Variants in STX8 observed in about 807,000 individuals in gnomAD.
STX8 encodes syntaxin-8.
Under a neutral mutation model 37.5 loss-of-function variants are expected in STX8, and 23 were observed. The ratio of observed to expected loss-of-function variants is 0.61; its 90% CI spans 0.44 to 0.87. The LOEUF is 0.87. Ranked by LOEUF, STX8 falls within the 40% of genes least tolerant of loss-of-function variation. The pLI, the probability that STX8 is intolerant of heterozygous loss-of-function variation, is 0.00. For synonymous variants in STX8, 115 were observed against 99.1 expected (o/e 1.16, Z -0.95); for missense variants, 313 against 284.7 (o/e 1.10, Z -0.71).
intron 6 of STX8, among the ~76,000 whole-genome samples, chr17:9,419,979 G>T (rs752745543): frequency 2.0e-5 from 3 of 152,136 alleles, no homozygotes; most frequent in African/African-American, 7.2e-5. Context: ...GTGGTTTATT[G>T]TGCAGTGGCG....
chr17:9,422,805 G>C (rs1913489482), intron 6 of STX8, among the ~76,000 whole-genome samples: 1 of 152,208 alleles, frequency 6.6e-6, no homozygotes, highest in Non-Finnish European at 1.5e-5. Context: ...CTGACCCCTA[G>C]TTTATACCAT....
chr17:9,500,673 A>G (rs1904577178), intron 5 of STX8, among the ~76,000 whole-genome samples: 1 of 152,186 alleles, frequency 6.6e-6, no homozygotes, highest in African/African-American at 2.4e-5. Flanking sequence ...ACAAGCAACA[A>G]TTAGAAATTG....
intron 7 of STX8, among the ~76,000 whole-genome samples, chr17:9,338,941 G>C (rs1473292886): frequency 6.6e-6 from 1 of 151,850 alleles, no homozygotes; most frequent in African/African-American, 2.4e-5. Context: ...TGTGGTGGCG[G>C]GTGCCTGTAA....
In STX8 at chr17:9,316,635, G is replaced by A. The variant is rs142706431; in HGVS notation, c.643+61917C>T. Among the ~76,000 whole-genome samples, 411 of 152,248 alleles carry A rather than the reference G, an allele frequency of 2.7e-3. 4 individuals are homozygous for A. The highest frequency in any genetic ancestry group is 9.2e-3 in the African/African-American group (382 of 41,552). On this transcript the variant is annotated intron_variant, in intron 7 of 7. Coordinates refer to ENST00000306357, the MANE Select transcript of STX8 (RefSeq NM_004853.3). ...CTTACCCTGTGCATCTCTTATATCT[G>A]CCTGTTCATTGTATCCTTTTACAAT... is the stretch of plus-strand genomic sequence containing the variant.
chr17:9,390,422 T>C (rs1313807634), intron 6 of STX8, among the ~76,000 whole-genome samples: 1 of 151,802 alleles, frequency 6.6e-6, no homozygotes, highest in African/African-American at 2.4e-5. Flanking sequence ...CTCAGGAGGC[T>C]GAGACAGAAG....
intron 5 of STX8, among the ~76,000 whole-genome samples, chr17:9,495,272 C>T (rs1904341763): frequency 6.6e-6 from 1 of 152,134 alleles, no homozygotes; most frequent in Admixed American, 6.6e-5. Flanking sequence ...ATGAGGTCCT[C>T]TTGGTCTTTA....
chr17:9,437,377 T>A (rs1904473693), intron 6 of STX8, among the ~76,000 whole-genome samples: 1 of 152,286 alleles, frequency 6.6e-6, no homozygotes, highest in South Asian at 2.1e-4. Flanking sequence ...AAGATCCACC[T>A]ACAAATATAC....
chr17:9,342,502 G>A (rs933556257), intron 7 of STX8, among the ~76,000 whole-genome samples: 1 of 152,174 alleles, frequency 6.6e-6, no homozygotes, highest in African/African-American at 2.4e-5. Flanking sequence ...AGGCACTGGA[G>A]GAGGAGAAAG....
chr17:9,530,898 A>G (rs1178904476), intron 4 of STX8, among the ~76,000 whole-genome samples: 1 of 152,212 alleles, frequency 6.6e-6, no homozygotes, highest in Non-Finnish European at 1.5e-5. Context: ...CTATCCCAAG[A>G]TCATAAAAAT....
intron 7 of STX8, among the ~76,000 whole-genome samples, chr17:9,308,556 C>G (rs1009553718): frequency 6.6e-6 from 1 of 151,922 alleles, no homozygotes; most frequent in Admixed American, 6.6e-5. Flanking sequence ...AACCCTGTCT[C>G]TACTAAAAAT....
intron 7 of STX8, among the ~76,000 whole-genome samples, chr17:9,348,102 T>C (rs1241083987): frequency 6.6e-6 from 1 of 152,092 alleles, no homozygotes; most frequent in Non-Finnish European, 1.5e-5. Context: ...GTGTGACAGG[T>C]GGTATTTCTT....
intron 4 of STX8, among the ~76,000 whole-genome samples, chr17:9,535,423 A>ATTTTT: frequency 2.4e-5 from 1 of 41,118 alleles, no homozygotes; most frequent in Non-Finnish European, 4.5e-5. Context: ...CAGCCATCCT[A>ATTTTT]CTTTTTTTTT....
intron 2 of STX8, among the ~76,000 whole-genome samples, chr17:9,561,860 A>G (rs1907248467): frequency 6.6e-6 from 1 of 152,082 alleles, no homozygotes; most frequent in Non-Finnish European, 1.5e-5. Flanking sequence ...GAAAGTCTAC[A>G]TTGAAGAATT....
chr17:9,538,974 T>A (rs1220864553), intron 4 of STX8, among the ~76,000 whole-genome samples: 1 of 152,198 alleles, frequency 6.6e-6, no homozygotes, highest in East Asian at 1.9e-4. Flanking sequence ...CACTGCTTTA[T>A]GAGACAGGGC....
At chr17:9,310,648 T>C (rs917663209) in intron 7 of STX8, among the ~76,000 whole-genome samples, 1 of 152,050 alleles carries the variant, frequency 6.6e-6, no homozygotes, top group African/African-American at 2.4e-5. Flanking sequence ...ATGAATCTTG[T>C]GGGGTTGGGG....
At chr17:9,541,309 T>A (rs1386985464) in intron 4 of STX8, among the ~76,000 whole-genome samples, 1 of 151,786 alleles carries the variant, frequency 6.6e-6, no homozygotes, top group Admixed American at 6.6e-5. Context: ...AAGAGGAGAA[T>A]GGAGGGCAGA....
intron 7 of STX8, among the ~76,000 whole-genome samples, chr17:9,346,835 A>G (rs1910550742): frequency 1.3e-5 from 2 of 152,134 alleles, no homozygotes; most frequent in Admixed American, 1.3e-4. Context: ...ACTCAAAGAA[A>G]TGCCTCTCCT....
At chr17:9,563,608 T>C (rs957769990) in intron 2 of STX8, among the ~76,000 whole-genome samples, 6 of 152,090 alleles carry the variant, frequency 3.9e-5, no homozygotes, top group African/African-American at 1.4e-4. Context: ...CAGAAATTAA[T>C]GAAAATGGTT....
intron 6 of STX8, among the ~76,000 whole-genome samples, chr17:9,455,733 A>G (rs1344821993): frequency 6.6e-6 from 1 of 152,210 alleles, no homozygotes; most frequent in Non-Finnish European, 1.5e-5. Flanking sequence ...TATGGACAGG[A>G]ATACAGACAC....
Sources: gnomAD v4.1 joint callset for allele counts (sites outside exome capture counted in the v4.1 genomes callset) on GRCh38, gnomAD v4.1.1 for gene constraint, MANE v1.5 for transcripts, NCBI Gene and HGNC (gene_info 2026-07-23, HGNC 2026-07-21) for gene names.